Variants in SPRY3 observed in about 807,000 individuals in gnomAD.
The protein encoded by SPRY3 is protein sprouty homolog 3.
SPRY3 carries 15 observed loss-of-function variants against 20.2 expected under a neutral mutation model. That is an observed-to-expected ratio of 0.74 (90% CI 0.50 to 1.14). SPRY3 has a LOEUF of 1.14. SPRY3 is among the 50% of genes most tolerant of loss of function. The probability of loss-of-function intolerance (pLI) is 0.00; values close to 1 mark genes in which losing one functional copy is unlikely to be tolerated. For synonymous variants in SPRY3, 143 were observed against 136.5 expected, an observed-to-expected ratio of 1.05 and a Z score of -0.33; for missense variants, 364 against 363.9, an observed-to-expected ratio of 1.00 and a Z score of 0.00.
intron 2 of SPRY3, among the ~76,000 whole-genome samples, chrX:155,682,132 T>C (rs1008947985): frequency 1.8e-5 from 2 of 112,016 alleles, no homozygotes; most frequent in African/African-American, 6.5e-5. Flanking sequence ...AGCTGGTGAT[T>C]TTAAGTTGAA....
intron 3 of SPRY3, among the ~76,000 whole-genome samples, chrX:155,773,309 T>TATAG (rs2091394084): frequency 7.5e-6 from 1 of 134,138 alleles, no homozygotes; most frequent in Non-Finnish European, 1.6e-5. Flanking sequence ...TTTGATTGGA[T>TATAG]ATATATATAT....
At chrX:155,773,861 A>C (rs1200951028) in exon 4 of SPRY3, 2 of 1,610,094 alleles carry the variant, frequency 1.2e-6, no homozygotes, top group Non-Finnish European at 8.5e-7. Context: ...GAGCTAAAAA[A>C]TCAAGGCAAA....
intron 3 of SPRY3, among the ~76,000 whole-genome samples, chrX:155,769,905 G>T (rs899977583): frequency 6.6e-6 from 1 of 152,110 alleles, no homozygotes; most frequent in Admixed American, 6.5e-5. Context: ...TTGTAAGGGG[G>T]GAGTGCTTTG....
rs184287632 is a variant in SPRY3 at position 155,637,305 on chromosome X, T to C, written c.-440-19562T>C. Reference sequence around the variant, plus strand: ...ACTTAGTATCCAAATTGGTATGCTGTACTGGTTATTAATAGTCTCTGAGAC... The same window carrying C: ...ACTTAGTATCCAAATTGGTATGCTGCACTGGTTATTAATAGTCTCTGAGAC... On this transcript the variant is annotated intron_variant, in intron 1 of 3. Transcript: ENST00000675360. Among the ~76,000 whole-genome samples, 539 of 111,513 alleles carry C rather than the reference T, an allele frequency of 4.8e-3. 2 individuals carry two copies. The highest frequency in any genetic ancestry group is 0.016 in the African/African-American group (491 of 30,681).
At chrX:155,743,086 G>T (rs1233055605) in intron 2 of SPRY3, among the ~76,000 whole-genome samples, 1 of 151,980 alleles carries the variant, frequency 6.6e-6, no homozygotes, top group Non-Finnish European at 1.5e-5. Flanking sequence ...CAATAAAGAA[G>T]AAAAGAGAGA....
At chrX:155,756,251 C>A (rs189397160) in intron 2 of SPRY3, among the ~76,000 whole-genome samples, 56 of 152,204 alleles carry the variant, frequency 3.7e-4, no homozygotes, top group African/African-American at 1.2e-3. Flanking sequence ...CACTTTGTCT[C>A]CTTGTCCCAT....
intron 3 of SPRY3, among the ~76,000 whole-genome samples, chrX:155,769,150 A>G (rs1316209354): frequency 6.6e-6 from 1 of 152,146 alleles, no homozygotes; most frequent in East Asian, 1.9e-4. Flanking sequence ...ATACAAAGAC[A>G]TTACTATAAC....
chrX:155,649,910 C>G (rs1473400496), intron 1 of SPRY3, among the ~76,000 whole-genome samples: 1 of 112,028 alleles, frequency 8.9e-6, no homozygotes, highest in East Asian at 2.8e-4. Context: ...TGATAAGCAA[C>G]TTCAGCAGGC....
At chrX:155,643,585 T>C (rs1165487557) in intron 1 of SPRY3, among the ~76,000 whole-genome samples, 2 of 111,632 alleles carry the variant, frequency 1.8e-5, no homozygotes, top group Non-Finnish European at 3.8e-5. Context: ...GATTTTTTTT[T>C]CTGCTGGTAT....
At chrX:155,697,522 C>CACACATATATATAT (rs750002413) in intron 2 of SPRY3, among the ~76,000 whole-genome samples, 5 of 99,330 alleles carry the variant, frequency 5.0e-5, no homozygotes, top group Admixed American at 2.2e-4. Flanking sequence ...CACACACACA[C>CACACATATATATAT]ATATATATAT....
At chrX:155,727,401 C>T (rs942085996) in intron 2 of SPRY3, among the ~76,000 whole-genome samples, 2 of 152,146 alleles carry the variant, frequency 1.3e-5, no homozygotes, top group African/African-American at 4.8e-5. Context: ...AGAGTGTTTT[C>T]CAACTTGGTT....
intron 2 of SPRY3, among the ~76,000 whole-genome samples, chrX:155,692,256 T>C (rs1483400013): frequency 1.8e-5 from 2 of 111,253 alleles, no homozygotes; most frequent in Non-Finnish European, 3.8e-5. Context: ...AAAGTCAATG[T>C]TCATTTTTTT....
At chrX:155,649,094 C>T (rs1375158752) in intron 1 of SPRY3, among the ~76,000 whole-genome samples, 1 of 111,431 alleles carries the variant, frequency 9.0e-6, no homozygotes, top group East Asian at 2.8e-4. Context: ...CTGAATAGAC[C>T]AATAACAAGT....
chrX:155,765,121 A>G (rs1279295781), intron 2 of SPRY3, among the ~76,000 whole-genome samples: 1 of 152,186 alleles, frequency 6.6e-6, no homozygotes, highest in African/African-American at 2.4e-5. Context: ...ACCTCCTAAT[A>G]TTATCATATT....
At chrX:155,657,251 G>A (rs1557353083) in intron 2 of SPRY3, among the ~76,000 whole-genome samples, 1 of 112,094 alleles carries the variant, frequency 8.9e-6, no homozygotes, top group Non-Finnish European at 1.9e-5. Context: ...GTCTCAGGGA[G>A]ATGGGAGTTT....
chrX:155,775,213 C>T lies in SPRY3; in HGVS notation c.*475C>T, dbSNP rs186106668. Reference sequence around the variant, plus strand: ...ACGACCCCTTCTCCCTGTTACTGCCCTTCTCTTCTTTATTCCTCTCTCCTC... The same window carrying T: ...ACGACCCCTTCTCCCTGTTACTGCCTTTCTCTTCTTTATTCCTCTCTCCTC... On this transcript the variant is annotated 3_prime_UTR_variant, in exon 4 of 4. Transcript: ENST00000675360. 1.4e-3 allele frequency: 261 copies of T among 186,248 alleles called. 1 individual carries two copies. The highest frequency in any genetic ancestry group is 5.7e-3 in the African/African-American group (238 of 42,022). 11.5% of individuals were successfully genotyped at this position (186,248 alleles called of 1,614,324 possible).
intron 2 of SPRY3, among the ~76,000 whole-genome samples, chrX:155,752,144 A>C (rs180934662): frequency 2.0e-4 from 30 of 151,590 alleles, no homozygotes; most frequent in Admixed American, 1.6e-3. Context: ...TTCTGGTAAA[A>C]ATTTTAAACT....
intron 2 of SPRY3, among the ~76,000 whole-genome samples, chrX:155,763,439 C>T (rs1434373900): frequency 6.6e-6 from 1 of 151,876 alleles, no homozygotes; most frequent in African/African-American, 2.4e-5. Context: ...GCTGACCTGA[C>T]TCTAGTATCT....
At chrX:155,632,251 A>ACACACACACACG (rs2067908975) in intron 1 of SPRY3, among the ~76,000 whole-genome samples, 1 of 110,982 alleles carries the variant, frequency 9.0e-6, no homozygotes, top group Non-Finnish European at 1.9e-5. Context: ...ACACACGCAC[A>ACACACACACACG]CACACACTGT....
Sources: allele counts gnomAD v4.1 joint callset (sites outside exome capture counted in the v4.1 genomes callset), GRCh38; gene constraint gnomAD v4.1.1; transcripts MANE v1.5; gene names NCBI Gene and HGNC (gene_info 2026-07-23, HGNC 2026-07-21).